Variants in ACACA observed in about 807,000 individuals in gnomAD.
ACACA encodes the protein acetyl-CoA carboxylase 1.
In ACACA, 103 loss-of-function variants were observed where a neutral mutation model predicts 296.1. The observed-to-expected ratio is 0.35, with a 90% confidence interval of 0.30 to 0.41. ACACA has a LOEUF of 0.41. Ranked by LOEUF, ACACA falls within the 10% of genes least tolerant of loss-of-function variation. ACACA has a pLI of 1.00. For missense variants in ACACA, 1,554 were observed against 2,989.7 expected, an observed-to-expected ratio of 0.52 and a Z score of 11.20; for synonymous variants, 953 against 1,038.6, an observed-to-expected ratio of 0.92 and a Z score of 1.58.
intron 1 of ACACA, among the ~76,000 whole-genome samples, chr17:37,359,736 T>TA (rs1401645198): frequency 1.3e-5 from 2 of 152,142 alleles, no homozygotes; most frequent in African/African-American, 4.8e-5. Context: ...TCGCGTCCAC[T>TA]ACCTGTCCTC....
At chr17:37,094,347 G>T (rs1190450974) in intron 54 of ACACA, among the ~76,000 whole-genome samples, 2 of 152,128 alleles carry the variant, frequency 1.3e-5, no homozygotes, top group Admixed American at 1.3e-4. Flanking sequence ...TTCTGTCCCA[G>T]AATTTCTGTT....
At chr17:37,381,888 A>G (rs1013692151) in intron 1 of ACACA, among the ~76,000 whole-genome samples, 7 of 151,968 alleles carry the variant, frequency 4.6e-5, no homozygotes, top group Non-Finnish European at 1.0e-4. Context: ...TGGCCTCCCA[A>G]AGTGCTGGGA....
At chr17:37,394,658 C>T (rs2051015221) in intron 1 of ACACA, among the ~76,000 whole-genome samples, 2 of 149,046 alleles carry the variant, frequency 1.3e-5, no homozygotes, top group African/African-American at 4.9e-5. Flanking sequence ...AGGCGGATCA[C>T]GAGGTCAGGA....
In ACACA at chr17:37,135,838, C is replaced by G. The variant is rs556495798; in HGVS notation, c.5680-5620G>C. Among the ~76,000 whole-genome samples the G allele has an allele frequency of 3.9e-5, 6 of 152,088 alleles. No homozygotes were observed. The East Asian group carries it at 9.7e-4, about 25-fold the overall frequency. On this transcript the variant is annotated intron_variant, in intron 45 of 55. Coordinates refer to ENST00000616317, the MANE Select transcript of ACACA (RefSeq NM_198834.3). Reference sequence around the variant, plus strand: ...AAAGCTGCCAAAAGTAATCACTCACCCTAGGGGGACCCACCAACTGCTCAT... The same window carrying G: ...AAAGCTGCCAAAAGTAATCACTCACGCTAGGGGGACCCACCAACTGCTCAT...
chr17:37,337,747 C>G lies in ACACA; in HGVS notation c.85+2057G>C, dbSNP rs78049510. Among the ~76,000 whole-genome samples the G allele has an allele frequency of 9.2e-4, 139 of 151,812 alleles. 1 individual carries two copies. The highest frequency in any genetic ancestry group is 3.3e-3 in the African/African-American group (137 of 41,520). ...GGATTATCAGTGTGAGCCACTGAGC[C>G]CAGCCTAACATTTTCTGAAAGTGAA... On this transcript the variant is annotated intron_variant, in intron 2 of 55. Coordinates refer to ENST00000616317, the MANE Select transcript of ACACA (RefSeq NM_198834.3).
intron 47 of ACACA, among the ~76,000 whole-genome samples, chr17:37,127,925 A>G (rs1204405371): frequency 6.7e-6 from 1 of 149,860 alleles, no homozygotes; most frequent in Non-Finnish European, 1.5e-5. Context: ...CATGGCACAA[A>G]AAAAAGGGGA....
chr17:37,131,325 T>C (rs943429664), intron 45 of ACACA, among the ~76,000 whole-genome samples: 3 of 152,148 alleles, frequency 2.0e-5, no homozygotes, highest in Non-Finnish European at 4.4e-5. Context: ...TGGTTAATAA[T>C]TTCTTTCAGG....
intron 3 of ACACA, chr17:37,299,498 T>A: frequency 6.8e-7 from 1 of 1,471,404 alleles, no homozygotes; most frequent in Non-Finnish European, 9.0e-7. Flanking sequence ...GGCCTCAAAC[T>A]ATAGTCTTTT....
intron 16 of ACACA, among the ~76,000 whole-genome samples, chr17:37,251,751 T>C (rs187344501): frequency 2.6e-5 from 4 of 152,326 alleles, no homozygotes; most frequent in African/African-American, 7.2e-5. Flanking sequence ...CTACTGCAGA[T>C]GGATTCCAGT....
At chr17:37,289,372 G>C in intron 3 of ACACA, 2 of 1,027,718 alleles carry the variant, frequency 1.9e-6, no homozygotes, top group Admixed American at 4.8e-5. Context: ...GTTACTAATG[G>C]TATTGAAAGG....
intron 25 of ACACA, among the ~76,000 whole-genome samples, chr17:37,229,470 A>AT (rs2079736065): frequency 6.6e-6 from 1 of 151,340 alleles, no homozygotes; most frequent in Non-Finnish European, 1.5e-5. Flanking sequence ...TGCCCGGCTA[A>AT]TTTTTTGTAT....
chr17:37,131,571 A>G (rs2075099837), intron 45 of ACACA, among the ~76,000 whole-genome samples: 1 of 152,166 alleles, frequency 6.6e-6, no homozygotes, highest in African/African-American at 2.4e-5. Context: ...TCTGGGGAGA[A>G]TCTAACTAAC....
At chr17:37,274,883 G>C (rs902577450) in intron 8 of ACACA, among the ~76,000 whole-genome samples, 2 of 151,882 alleles carry the variant, frequency 1.3e-5, no homozygotes, top group African/African-American at 2.4e-5. Context: ...TGGAGAGCCA[G>C]AGTAACAAGG....
intron 3 of ACACA, among the ~76,000 whole-genome samples, chr17:37,308,388 T>A (rs1362120546): frequency 6.6e-6 from 1 of 152,130 alleles, no homozygotes; most frequent in East Asian, 1.9e-4. Flanking sequence ...ACTGAATTGA[T>A]AAATTTCTAC....
intron 3 of ACACA, chr17:37,301,317 T>C (rs2083605663): frequency 1.1e-6 from 1 of 930,258 alleles, no homozygotes; most frequent in Non-Finnish European, 1.3e-6. Flanking sequence ...CCACATTCAT[T>C]TCTCCAAATT....
At chr17:37,191,790 T>G (rs1371185566) in intron 37 of ACACA, among the ~76,000 whole-genome samples, 2 of 152,150 alleles carry the variant, frequency 1.3e-5, no homozygotes, top group Non-Finnish European at 2.9e-5. Flanking sequence ...CTTTTTCTTT[T>G]CTTGAGTGTT....
rs1483667491 is a variant in ACACA, at chr17:37,406,410, T to A, written c.-111A>T. ...GAGCATCTGATTGAAACGCACCCTC[T>A]TCACCCCTTAAAATCAGTCTGGTTC... is the stretch of plus-strand genomic sequence containing the variant. On this transcript the variant is annotated 5_prime_UTR_variant, in exon 1 of 56. The change creates a new upstream start codon in the 5' untranslated region. Transcript: ENST00000616317. 38 of 1,187,276 alleles carry A rather than the reference T, an allele frequency of 3.2e-5. No homozygotes were observed. Among genetic ancestry groups the A allele is most frequent in the Non-Finnish European group, 1.1e-5 (9 of 795,804 alleles). 73.5% of individuals were successfully genotyped at this position (1,187,276 alleles called of 1,614,324 possible).
intron 35 of ACACA, among the ~76,000 whole-genome samples, chr17:37,199,108 C>G (rs1003727192): frequency 3.9e-5 from 6 of 152,044 alleles, no homozygotes; most frequent in African/African-American, 1.4e-4. Context: ...GGTGTGGTGG[C>G]ACATGCCTGC....
chr17:37,251,966 A>G, intron 16 of ACACA, 39 bp downstream of exon 16: 2 of 1,567,036 alleles, frequency 1.3e-6, no homozygotes, highest in Non-Finnish European at 1.8e-6. Context: ...ACTCAGGACC[A>G]TTGATTAGTT....
Sources: allele counts gnomAD v4.1 joint callset (sites outside exome capture counted in the v4.1 genomes callset), GRCh38; gene constraint gnomAD v4.1.1; transcripts MANE v1.5; gene names NCBI Gene and HGNC (gene_info 2026-07-23, HGNC 2026-07-21).